SEPTIN1: variants seen among roughly 807,000 people sequenced by gnomAD.
SEPTIN1 encodes the protein septin-1.
Under a neutral mutation model 50.7 loss-of-function variants are expected in SEPTIN1, and 52 were observed. That is an observed-to-expected ratio of 1.03 (90% confidence interval 0.82 to 1.29). The LOEUF (loss-of-function observed/expected upper bound fraction) is 1.29, where lower values mean the gene tolerates loss of function less well. Ranked by LOEUF, SEPTIN1 falls within the 50% of genes most tolerant of loss-of-function variation. The pLI, the probability that SEPTIN1 is intolerant of heterozygous loss-of-function variation, is 0.00. For synonymous variants in SEPTIN1, 204 were observed against 189.1 expected, an observed-to-expected ratio of 1.08 and a Z score of -0.65; for missense variants, 455 against 490.7, an observed-to-expected ratio of 0.93 and a Z score of 0.69.
rs1166126147 is a variant in SEPTIN1, at chr16:30,378,660, T to G, written c.982A>C (p.Met328Leu). The change falls in exon 10 of 11, where the codon ATG becomes CTG. Residue 328 changes from methionine (M) to leucine (L), a missense_variant. Transcript: ENST00000321367. ...RQSATEIPLP[M>L]LPLADTEKLI... is the part of the protein sequence containing the mutation. ...TTCTCGGTGTCCGCCAGAGGCAGCA[T>G]GGGCAGCGGGATCTCTGTGGCGCTC... 1.2e-6 allele frequency: 2 copies of G among 1,607,566 alleles called. No individual in the cohort carries two copies. The highest frequency in any genetic ancestry group is 1.7e-6 in the Non-Finnish European group (2 of 1,179,206).
At chr16:30,378,913 G>T in intron 9 of SEPTIN1, 105 bp downstream of exon 9, 2 of 1,145,594 alleles carry the variant, frequency 1.7e-6, no homozygotes, top group Non-Finnish European at 2.5e-6. Flanking sequence ...AGAGAAGTCT[G>T]AGTGGTGAAG....
In SEPTIN1 at chr16:30,382,443, A is replaced by C. The variant is rs2049863745; in HGVS notation, c.19-78T>G. ...CCAGGATCACTTGAGTTCCTGGGCT[A>C]GGAAGAGTCAGTGGGGTCTGGGGAC... On this transcript the variant is annotated intron_variant, in intron 1 of 10. Transcript: ENST00000321367. The surrounding 1 kb of genome is among the most constrained non-coding windows in gnomAD (Gnocchi z 4.8). The C allele has an allele frequency of 1.3e-6, 2 of 1,568,588 alleles. No individual in the cohort carries two copies. The highest frequency in any genetic ancestry group is 2.3e-5 in the East Asian group (1 of 44,400).
At position 30,379,445 on chromosome 16, in the gene SEPTIN1, C is replaced by T; in HGVS notation, c.765G>A (p.Gly255=). 7 of 1,613,468 alleles carry T rather than the reference C, an allele frequency of 4.3e-6. No individual in the cohort carries two copies. The highest frequency in any genetic ancestry group is 5.9e-6 in the Non-Finnish European group (7 of 1,179,616). Residue 255 remains glycine (G), a synonymous_variant, in exon 8 of 11, where the codon GGG becomes GGA. Coordinates refer to ENST00000321367, the MANE Select transcript of SEPTIN1 (RefSeq NM_001365977.2). ...RPVRGRRYSW[G]TVEVENPHHC... ...CCTGGCCTCACTCACCCTCCACGGT[C>T]CCCCAGGAGTAGCGGCGTCCCCTCA...
Position 30,379,449 on chromosome 16 carries a change from C to T in SEPTIN1, c.761G>A (p.Trp254Ter). Residue 254 changes from tryptophan to a stop codon, truncating the protein, a stop_gained, in exon 8 of 11, where the codon TGG (tryptophan) becomes TAG (stop). Transcript: ENST00000321367. LOFTEE classifies it high-confidence loss of function. ...GCCTCACTCACCCTCCACGGTCCCCCAGGAGTAGCGGCGTCCCCTCACCGG... is the reference window on the plus strand; with the variant it reads ...GCCTCACTCACCCTCCACGGTCCCCTAGGAGTAGCGGCGTCCCCTCACCGG... ...NRPVRGRRYS[W>*]GTVEVENPHH... 6.2e-7 allele frequency: 1 copy of T among 1,613,910 alleles called. No individual in the cohort carries two copies. Among genetic ancestry groups the T allele is most frequent in the Non-Finnish European group, 8.5e-7 (1 of 1,179,918 alleles).
In SEPTIN1 at chr16:30,381,274, C is replaced by T. The variant is rs754138123; in HGVS notation, c.456-30G>A. The T allele has an allele frequency of 1.2e-6, 2 of 1,612,350 alleles. No homozygotes were observed. The highest frequency in any genetic ancestry group is 1.7e-6 in the Non-Finnish European group (2 of 1,178,420). On this transcript the variant is annotated intron_variant, in intron 5 of 10. Coordinates refer to ENST00000321367, the MANE Select transcript of SEPTIN1 (RefSeq NM_001365977.2). This position sits in a 1 kb window ranked among gnomAD's most constrained non-coding sequence, Gnocchi z 4.3. ...ACCCAGGGATTGGTCATTGCCCAGC[C>T]TCAGGGGGCAGAGACCCCCCAGCCC... is the stretch of plus-strand genomic sequence containing the variant.
intron 9 of SEPTIN1, 42 bp from the exon 10 acceptor site, chr16:30,378,742 C>G (rs920161834): frequency 6.4e-7 from 1 of 1,568,070 alleles, no homozygotes; most frequent in Non-Finnish European, 8.6e-7. Flanking sequence ...GGAGCGGGAC[C>G]TGAGGTTGTG....
Position 30,380,777 on chromosome 16 carries a change from A to AG in SEPTIN1, c.573+349_573+350insC, listed in dbSNP as rs1597006288. 2.1e-5 allele frequency: 6 copies of AG among 290,974 alleles called. No homozygotes were observed. In the East Asian group the frequency reaches 5.2e-4, roughly 25 times the overall value. 18.0% of individuals were successfully genotyped at this position (290,974 alleles called of 1,614,324 possible). On this transcript the variant is annotated intron_variant, in intron 6 of 10. Transcript: ENST00000321367. ...AGAGTGAGACTCTATCTAAAAAAAA[A>AG]AAGAGAGAGAAAGAGAGGCCGAGAG...
Position 30,380,008 on chromosome 16 carries a change from T to G in SEPTIN1, c.599A>C (p.Glu200Ala). Residue 200 changes from glutamate to alanine, a missense_variant, in exon 7 of 11, where the codon GAG (glutamate) becomes GCG (alanine). By Grantham distance (107) the Glu-to-Ala change is moderately radical. Coordinates refer to ENST00000321367, the MANE Select transcript of SEPTIN1 (RefSeq NM_001365977.2). The stretch of plus-strand genomic sequence containing the variant: ...TTCGGGGAACTGGTAGATGTGGATC[T>G]CCTCTTCCTTCAACTGATCCCGGAT... ...QKIRDQLKEE[E>A]IHIYQFPECD... is the part of the protein sequence containing the mutation. 1.2e-6 allele frequency: 2 copies of G among 1,612,704 alleles called. No individual in the cohort carries two copies. Among genetic ancestry groups the G allele is most frequent in the South Asian group, 2.2e-5 (2 of 90,918 alleles).
chr16:30,378,827 C>T lies in SEPTIN1; in HGVS notation c.942-127G>A, dbSNP rs560713592. 1.0e-3 allele frequency: 475 copies of T among 471,578 alleles called. 1 individual carries two copies. The African/African-American group carries it at 0.02, about 19-fold the overall frequency. 29.2% of individuals were successfully genotyped at this position (471,578 alleles called of 1,614,324 possible). A position where few individuals can be genotyped will look rare whatever the true frequency, so the allele number is the denominator to read the frequency against. On this transcript the variant is annotated intron_variant, in intron 9 of 10. Coordinates refer to ENST00000321367, the MANE Select transcript of SEPTIN1 (RefSeq NM_001365977.2). ...GGAGCCAGTTCCTTGAGGTTAGGGC[C>T]GGAGGCAAAGCGGGTGGGGAGAGAG...
chr16:30,378,979 G>T, intron 9 of SEPTIN1, 39 bp downstream of exon 9: 1 of 1,590,790 alleles, frequency 6.3e-7, no homozygotes, highest in South Asian at 1.1e-5. Flanking sequence ...GGTGAGGCGG[G>T]ACCTTGGAGG....
In SEPTIN1 at chr16:30,379,526, G is replaced by A. The variant is rs2049810689; in HGVS notation, c.684C>T (p.Ile228=). 1 of 1,613,546 alleles carries A rather than the reference G, an allele frequency of 6.2e-7. No homozygotes were observed. The highest frequency in any genetic ancestry group is 8.5e-7 in the Non-Finnish European group (1 of 1,179,872). The change falls in exon 8 of 11, where the codon ATC becomes ATT. Residue 228 remains isoleucine, a synonymous_variant. Coordinates refer to ENST00000321367, the MANE Select transcript of SEPTIN1 (RefSeq NM_001365977.2). ...KRQDAEMKES[I]PFAVVGSCEV... ...CGCATGATCCCACGACTGCAAAAGG[G>A]ATGCTTTCCTGGAGGGCAGGGGGCA...
In SEPTIN1 at chr16:30,379,165, C is replaced by A. The variant is rs757466713; in HGVS notation, c.794G>T (p.Cys265Phe). 6 of 1,614,132 alleles carry A rather than the reference C, an allele frequency of 3.7e-6. No homozygotes were observed. Among genetic ancestry groups the A allele is most frequent in the South Asian group, 1.1e-5 (1 of 91,080 alleles). ...CATCCGTCGCAGGTTCAGGAAATCGCAGTGATGTGGGTTCTCCACTGGAGG... is the reference window on the plus strand; with the variant it reads ...CATCCGTCGCAGGTTCAGGAAATCGAAGTGATGTGGGTTCTCCACTGGAGG... The part of the protein sequence containing the change: ...GTVEVENPHH[C>F]DFLNLRRMLV... Residue 265 changes from cysteine (C) to phenylalanine (F), a missense_variant, in exon 9 of 11, where the codon TGC becomes TTC. Coordinates refer to ENST00000321367, the MANE Select transcript of SEPTIN1 (RefSeq NM_001365977.2).
intron 8 of SEPTIN1, 84 bp downstream of exon 8, chr16:30,379,351 C>T (rs2151109995): frequency 6.9e-7 from 1 of 1,447,832 alleles, no homozygotes; most frequent in East Asian, 2.3e-5. Context: ...CCAAAGCCCA[C>T]CCCAACTTCA....
chr16:30,382,659 G>T, upstream of SEPTIN1: 4 of 1,536,348 alleles, frequency 2.6e-6, no homozygotes, highest in Non-Finnish European at 3.5e-6. This position sits in a 1 kb window ranked among gnomAD's most constrained non-coding sequence, Gnocchi z 4.8. Context: ...GTCCCAGAGA[G>T]GTGGGGAAGG....
intron 6 of SEPTIN1, chr16:30,380,369 T>A: frequency 6.2e-6 from 1 of 160,184 alleles, no homozygotes; most frequent in Non-Finnish European, 1.4e-5. Context: ...TGGCTCCATC[T>A]TGGTTCACTG....
intron 6 of SEPTIN1, 139 bp downstream of exon 6, chr16:30,380,988 C>T (rs2049838976): frequency 5.2e-6 from 4 of 765,628 alleles, no homozygotes; most frequent in Non-Finnish European, 9.1e-6. Flanking sequence ...GGCTTACCAC[C>T]CGCCTTCCTC....
intron 9 of SEPTIN1, 79 bp downstream of exon 9, chr16:30,378,939 G>A (rs915081375): frequency 5.6e-6 from 8 of 1,434,348 alleles, no homozygotes; most frequent in Non-Finnish European, 9.5e-7. Flanking sequence ...GTCACGGGTG[G>A]TGGGGACGAG....
rs762409510 is a variant in SEPTIN1, at chr16:30,381,485, G to GA, written c.321-13dup. ...CCACCGGAAGCCAGCTGGGTGTGGG[G>GA]AGAGGATGTGAGGTCAGAGATCAAA... On this transcript the variant is annotated splice_polypyrimidine_tract_variant and intron_variant, in intron 4 of 10. Transcript: ENST00000321367. The surrounding 1 kb of genome is among the most constrained non-coding windows in gnomAD (Gnocchi z 4.3). 1.2e-6 allele frequency: 2 copies of GA among 1,613,962 alleles called. No individual in the cohort carries two copies. Among genetic ancestry groups the GA allele is most frequent in the Non-Finnish European group, 1.7e-6 (2 of 1,179,960 alleles).
rs537971949 is a variant in SEPTIN1, at chr16:30,382,198, C to G, written c.110-19G>C. On this transcript the variant is annotated intron_variant, in intron 2 of 10. Transcript: ENST00000321367. The surrounding 1 kb of genome is among the most constrained non-coding windows in gnomAD (Gnocchi z 4.8). ...GACTCCCCTGTGGACAGAACAGGCC[C>G]AACTGGTCAGGGGAGGGGACAGCCA... 1 of 1,612,710 alleles carries G rather than the reference C, an allele frequency of 6.2e-7. No individual in the cohort carries two copies. The highest frequency in any genetic ancestry group is 2.2e-5 in the East Asian group (1 of 44,832).
Sources: gnomAD v4.1 joint callset for allele counts on GRCh38, gnomAD v4.1.1 for gene constraint, Gnocchi (gnomAD v3.1) non-coding constraint, MANE v1.5 for transcripts, NCBI Gene and HGNC (gene_info 2026-07-23, HGNC 2026-07-21) for gene names.